NUP153: variants seen among roughly 807,000 people sequenced by gnomAD.
NUP153 encodes nucleoporin 153.
Under a neutral mutation model 134.6 loss-of-function variants are expected in NUP153, and 27 were observed. That is an observed-to-expected ratio of 0.20 (90% CI 0.15 to 0.28). NUP153 has a LOEUF of 0.28. Ranked by LOEUF, NUP153 falls within the 10% of genes least tolerant of loss-of-function variation. The pLI is 1.00. For synonymous variants in NUP153, 640 were observed against 623.5 expected, an observed-to-expected ratio of 1.03 and a Z score of -0.40; for missense variants, 1,821 against 1,731.3, an observed-to-expected ratio of 1.05 and a Z score of -0.92.
At chr6:17,619,314 T>C (rs1764520472) in intron 20 of NUP153, among the ~76,000 whole-genome samples, 2 of 152,138 alleles carry the variant, frequency 1.3e-5, no homozygotes, top group Non-Finnish European at 1.5e-5. Flanking sequence ...ATGTTTTCCA[T>C]CCCTGAACCC....
At chr6:17,682,185 C>T (rs1370220292) in intron 2 of NUP153, among the ~76,000 whole-genome samples, 1 of 152,176 alleles carries the variant, frequency 6.6e-6, no homozygotes, top group Non-Finnish European at 1.5e-5. Context: ...TTACACTACA[C>T]TATAGCCTAT....
intron 2 of NUP153, among the ~76,000 whole-genome samples, chr6:17,688,135 A>C (rs1458359877): frequency 6.6e-6 from 1 of 152,188 alleles, no homozygotes; most frequent in Admixed American, 6.5e-5. Flanking sequence ...AAAAAAAAGA[A>C]AGAAAAAAAG....
chr6:17,692,687 T>C (rs1045004053), intron 1 of NUP153, among the ~76,000 whole-genome samples: 1 of 152,202 alleles, frequency 6.6e-6, no homozygotes, highest in Non-Finnish European at 1.5e-5. Flanking sequence ...CTTAATATAA[T>C]TGAGTGGTCC....
At position 17,629,236 on chromosome 6, in the gene NUP153, C is replaced by T. The variant is rs1368344538; in HGVS notation, c.2963G>A (p.Gly988Asp). Residue 988 changes from glycine to aspartate, a missense_variant, in exon 18 of 22, where the codon GGT becomes GAT. Physicochemically the swap from Gly to Asp is moderately conservative, Grantham distance 94 (BLOSUM62 -1). Transcript: ENST00000262077. ...NDNFKFGLSS[G>D]LSNPVSLTPF... is the part of the protein sequence containing the mutation. ...AGTTAAAGAAACTGGGTTGCTTAAA[C>T]CAGAAGAAAGTCCAAACTTAAAATT... is the stretch of plus-strand genomic sequence containing the variant. The T allele has an allele frequency of 6.2e-7, 1 of 1,613,402 alleles. No homozygotes were observed. Among genetic ancestry groups the T allele is most frequent in the Non-Finnish European group, 8.5e-7 (1 of 1,179,866 alleles).
chr6:17,639,554 C>T (rs1297079831), intron 15 of NUP153, among the ~76,000 whole-genome samples: 1 of 152,178 alleles, frequency 6.6e-6, no homozygotes, highest in East Asian at 1.9e-4. Flanking sequence ...TACAATTCAG[C>T]AGATGCTTTC....
In NUP153 at chr6:17,706,609, C is replaced by A. The variant is rs918832705; in HGVS notation, c.-222G>T. The A allele has an allele frequency of 3.5e-6, 2 of 572,068 alleles. No homozygotes were observed. The highest frequency in any genetic ancestry group is 6.2e-6 in the Non-Finnish European group (2 of 324,620). 35.4% of individuals were successfully genotyped at this position (572,068 alleles called of 1,614,324 possible). ...GGAAGGGGGTGGCGGCCGCAGAGGC[C>A]GAGGAGGCTCCGGTCCGGCCGCCTC... On this transcript the variant is annotated 5_prime_UTR_variant, in exon 1 of 22. Coordinates refer to ENST00000262077, the MANE Select transcript of NUP153 (RefSeq NM_005124.4). The surrounding 1 kb of genome is among the most constrained non-coding windows in gnomAD (Gnocchi z 5.9).
At chr6:17,696,322 A>C (rs1769640699) in intron 1 of NUP153, among the ~76,000 whole-genome samples, 1 of 152,194 alleles carries the variant, frequency 6.6e-6, no homozygotes, top group Non-Finnish European at 1.5e-5. Flanking sequence ...GGTTCCTTTG[A>C]CCTTACTACC....
At chr6:17,632,948 T>G (rs1765337952) in intron 16 of NUP153, 104 bp from the exon 17 acceptor site, 4 of 768,782 alleles carry the variant, frequency 5.2e-6, no homozygotes, top group Non-Finnish European at 7.8e-6. Flanking sequence ...AGTGTTCAGT[T>G]TCTAATAATA....
intron 11 of NUP153, among the ~76,000 whole-genome samples, chr6:17,656,805 C>T (rs1326261574): frequency 1.3e-5 from 2 of 152,170 alleles, no homozygotes; most frequent in South Asian, 2.1e-4. Flanking sequence ...AGTCCTTCGA[C>T]GTGCACAGTT....
At position 17,675,489 on chromosome 6, in the gene NUP153, C is replaced by T. The variant is rs1425586847; in HGVS notation, c.583+33G>A. The T allele has an allele frequency of 6.2e-7, 1 of 1,608,878 alleles. No homozygotes were observed. Among genetic ancestry groups the T allele is most frequent in the Non-Finnish European group, 8.5e-7 (1 of 1,177,250 alleles). On this transcript the variant is annotated intron_variant, in intron 3 of 21. Transcript: ENST00000262077. This position sits in a 1 kb window ranked among gnomAD's most constrained non-coding sequence, Gnocchi z 4.4. The stretch of plus-strand genomic sequence containing the variant: ...AAACCCATAAAATTTAATGTTACTA[C>T]CCAAATTATGTACTACCACATGTCA...
At chr6:17,624,529 T>G in intron 20 of NUP153, 32 bp downstream of exon 20, 6 of 1,605,358 alleles carry the variant, frequency 3.7e-6, no homozygotes, top group Non-Finnish European at 5.1e-6. Flanking sequence ...ACAAAACCCA[T>G]ACAGATACTA....
At chr6:17,701,085 A>C (rs947573937) in intron 1 of NUP153, among the ~76,000 whole-genome samples, 2 of 151,954 alleles carry the variant, frequency 1.3e-5, no homozygotes, top group Non-Finnish European at 1.5e-5. Flanking sequence ...ATTAGCTGGG[A>C]GTGGTGGCGC....
At chr6:17,665,181 T>A in intron 9 of NUP153, 58 bp downstream of exon 9, 1 of 1,295,554 alleles carries the variant, frequency 7.7e-7, no homozygotes, top group Middle Eastern at 1.9e-4. Context: ...TTTACATTAT[T>A]TAGTCTTACT....
chr6:17,644,946 C>G (rs1423332384), intron 14 of NUP153, among the ~76,000 whole-genome samples: 1 of 151,968 alleles, frequency 6.6e-6, no homozygotes, highest in Admixed American at 6.6e-5. Flanking sequence ...ATTAGCCAGG[C>G]GTGGTGGCAG....
At chr6:17,667,636 C>A (rs1767618186) in intron 8 of NUP153, among the ~76,000 whole-genome samples, 1 of 152,132 alleles carries the variant, frequency 6.6e-6, no homozygotes, top group South Asian at 2.1e-4. Context: ...ATTGCTTGAG[C>A]CCTGGAGGTG....
At chr6:17,697,318 A>C (rs1213709981) in intron 1 of NUP153, among the ~76,000 whole-genome samples, 1 of 152,196 alleles carries the variant, frequency 6.6e-6, no homozygotes, top group African/African-American at 2.4e-5. Flanking sequence ...TCAATACTAC[A>C]TACATATCAG....
At chr6:17,690,569 T>G (rs1769215814) in intron 1 of NUP153, among the ~76,000 whole-genome samples, 1 of 152,114 alleles carries the variant, frequency 6.6e-6, no homozygotes, top group Non-Finnish European at 1.5e-5. Context: ...TACTGAAAAC[T>G]TTTTTACTAA....
chr6:17,689,137 G>A (rs778207268), intron 1 of NUP153, among the ~76,000 whole-genome samples: 4 of 151,936 alleles, frequency 2.6e-5, no homozygotes, highest in Non-Finnish European at 1.5e-5. Flanking sequence ...TGTAATCCTA[G>A]CACTTTGGGG....
At chr6:17,683,889 T>C (rs2113844575) in intron 2 of NUP153, among the ~76,000 whole-genome samples, 1 of 152,288 alleles carries the variant, frequency 6.6e-6, no homozygotes, top group African/African-American at 2.4e-5. Context: ...CCAAATCCTA[T>C]GCTGAAATTT....
Sources: allele counts gnomAD v4.1 joint callset (sites outside exome capture counted in the v4.1 genomes callset), GRCh38; gene constraint gnomAD v4.1.1; non-coding constraint Gnocchi (gnomAD v3.1); transcripts MANE v1.5; gene names NCBI Gene and HGNC (gene_info 2026-07-23, HGNC 2026-07-21).